The following CNTN4 variants were observed in gnomAD, a reference collection of about 807,000 sequenced individuals.
CNTN4 encodes contactin 4.
In CNTN4, 77 loss-of-function variants were observed where a neutral mutation model predicts 122.5. The ratio of observed to expected loss-of-function variants is 0.63; its 90% CI spans 0.52 to 0.76. CNTN4 has a LOEUF of 0.76. CNTN4 is among the 30% of genes least tolerant of loss of function. The pLI is 0.00. For missense variants in CNTN4, 1,256 were observed against 1,259.1 expected (o/e 1.00, Z 0.04); for synonymous variants, 512 against 447.0 (o/e 1.15, Z -1.83).
chr3:3,037,574 T>C lies in CNTN4; in HGVS notation c.2092+246T>C, dbSNP rs1699722760. 3 of 503,208 alleles carry C rather than the reference T, an allele frequency of 6.0e-6. No homozygotes were observed. In the South Asian group the frequency reaches 6.4e-5, roughly 11 times the overall value. The allele number at this position is 503,208 out of a possible 1,614,324, so 31.2% of individuals were successfully genotyped here. A position where few individuals can be genotyped will look rare whatever the true frequency, so the allele number is the denominator to read the frequency against. ...GCAAGAGACACACGGTGCTTAGTCCTCTCAAAAGCCAGCCCTTTCTTCATT... is the reference window on the plus strand; with the variant it reads ...GCAAGAGACACACGGTGCTTAGTCCCCTCAAAAGCCAGCCCTTTCTTCATT... On this transcript the variant is annotated intron_variant, in intron 18 of 24. Transcript: ENST00000418658.
intron 2 of CNTN4, among the ~76,000 whole-genome samples, chr3:2,213,591 A>C (rs1047191299): frequency 1.3e-5 from 2 of 152,194 alleles, no homozygotes; most frequent in Non-Finnish European, 2.9e-5. Flanking sequence ...AGAGTCTCAA[A>C]TGTAGCATAT....
At chr3:2,572,265 A>C (rs2079455688) in intron 4 of CNTN4, among the ~76,000 whole-genome samples, 1 of 152,164 alleles carries the variant, frequency 6.6e-6, no homozygotes, top group Non-Finnish European at 1.5e-5. Flanking sequence ...GCATGCCTGT[A>C]ATCCCAGCTA....
intron 2 of CNTN4, among the ~76,000 whole-genome samples, chr3:2,178,205 CTGTA>C (rs2036841200): frequency 6.6e-6 from 1 of 152,050 alleles, no homozygotes. Context: ...AGGGCCAGAG[CTGTA>C]ACACATATGT....
At chr3:2,811,054 C>T (rs189479209) in intron 6 of CNTN4, among the ~76,000 whole-genome samples, 2 of 151,606 alleles carry the variant, frequency 1.3e-5, no homozygotes, top group African/African-American at 4.8e-5. Context: ...GAAGTCATTT[C>T]TGTGAATGAG....
chr3:3,026,462 T>A (rs934852971), intron 15 of CNTN4, among the ~76,000 whole-genome samples, 185 bp downstream of exon 15: 7 of 152,180 alleles, frequency 4.6e-5, no homozygotes, highest in African/African-American at 1.7e-4. Flanking sequence ...ATGGCAGGAC[T>A]GCTCCCTAAC....
At chr3:2,817,131 G>A (rs1559536915) in intron 6 of CNTN4, among the ~76,000 whole-genome samples, 1 of 152,206 alleles carries the variant, frequency 6.6e-6, no homozygotes, top group Non-Finnish European at 1.5e-5. Context: ...CACATCTACA[G>A]CTTGCTCTAG....
chr3:3,046,200 C>G (rs1180908089), intron 23 of CNTN4, among the ~76,000 whole-genome samples: 1 of 152,218 alleles, frequency 6.6e-6, no homozygotes, highest in Non-Finnish European at 1.5e-5. Flanking sequence ...TTGGAAAACA[C>G]TCTGCAGGAT....
intron 3 of CNTN4, among the ~76,000 whole-genome samples, chr3:2,467,245 A>G (rs898367254): frequency 1.3e-5 from 2 of 151,402 alleles, no homozygotes; most frequent in Non-Finnish European, 2.9e-5. Context: ...TTGCTAATAC[A>G]TTTACTTTCT....
intron 2 of CNTN4, among the ~76,000 whole-genome samples, chr3:2,136,311 A>C (rs2125307752): frequency 6.6e-6 from 1 of 152,356 alleles, no homozygotes; most frequent in South Asian, 2.1e-4. Flanking sequence ...GAATTCTGTT[A>C]GTAAACTATT....
chr3:2,665,823 T>C (rs953502272), intron 4 of CNTN4, among the ~76,000 whole-genome samples: 2 of 152,178 alleles, frequency 1.3e-5, no homozygotes, highest in Non-Finnish European at 2.9e-5. Context: ...GGTATCCACA[T>C]CCTAAAATTT....
chr3:2,549,550 G>A (rs373772268), intron 3 of CNTN4, among the ~76,000 whole-genome samples: 6 of 152,194 alleles, frequency 3.9e-5, no homozygotes, highest in East Asian at 3.9e-4. Context: ...GGATGAAGCC[G>A]ACTTGATCAT....
intron 3 of CNTN4, among the ~76,000 whole-genome samples, chr3:2,569,162 C>G (rs1288935364): frequency 6.6e-6 from 1 of 151,846 alleles, no homozygotes; most frequent in East Asian, 1.9e-4. Context: ...TCCCTTTTGT[C>G]TTCACAATAT....
rs551551401 is a variant in CNTN4 at position 2,635,582 on chromosome 3, G to A, written c.55+64024G>A. Among the ~76,000 whole-genome samples, 13 of 152,208 alleles carry A rather than the reference G, an allele frequency of 8.5e-5. No individual in the cohort carries two copies. In the South Asian group the frequency reaches 2.7e-3, roughly 32 times the overall value. On this transcript the variant is annotated intron_variant, in intron 4 of 24. Coordinates refer to ENST00000418658, the MANE Select transcript of CNTN4 (RefSeq NM_175607.3). ...TATTTTTGGAAGCTTTCACAAGGGC[G>A]CCTTGAATGTGCCCACAGCAGGACT...
intron 10 of CNTN4, among the ~76,000 whole-genome samples, chr3:2,890,348 A>C (rs1202240586): frequency 6.6e-6 from 1 of 152,206 alleles, no homozygotes; most frequent in African/African-American, 2.4e-5. Context: ...ATTTAAATGA[A>C]TTATGATAAT....
At chr3:2,377,240 T>C (rs1047424985) in intron 3 of CNTN4, among the ~76,000 whole-genome samples, 10 of 152,134 alleles carry the variant, frequency 6.6e-5, no homozygotes, top group Admixed American at 6.5e-4. Context: ...TTGAACATGA[T>C]GGCATTATTA....
chr3:2,149,888 C>G (rs541454559), intron 2 of CNTN4, among the ~76,000 whole-genome samples: 80 of 151,642 alleles, frequency 5.3e-4, no homozygotes, highest in Non-Finnish European at 8.5e-4. Flanking sequence ...CTGACCAATG[C>G]TGGTGAAATA....
intron 15 of CNTN4, among the ~76,000 whole-genome samples, chr3:3,029,242 G>A (rs1469916214): frequency 1.2e-4 from 18 of 152,158 alleles, no homozygotes; most frequent in Admixed American, 1.1e-3. Context: ...TCTTGGACAT[G>A]TCTGTTTCAC....
intron 2 of CNTN4, among the ~76,000 whole-genome samples, chr3:2,136,406 G>A (rs1235684218): frequency 6.6e-6 from 1 of 152,072 alleles, no homozygotes; most frequent in African/African-American, 2.4e-5. Context: ...TGAATTATTA[G>A]GAGAAACTGT....
rs1575089297 is a variant in CNTN4 at position 2,210,795 on chromosome 3, A to C, written c.-145+110156A>C. 2.0e-5 allele frequency among the ~76,000 whole-genome samples: 3 copies of C among 152,122 alleles called. No homozygotes were observed. In the East Asian group the frequency reaches 5.8e-4, roughly 29 times the overall value. ...CTTTTTGAATCTGCCCATTTCCTTC[A>C]ATACATCAAAAGGTCTTTGGAAGCA... On this transcript the variant is annotated intron_variant, in intron 2 of 24. Coordinates refer to ENST00000418658, the MANE Select transcript of CNTN4 (RefSeq NM_175607.3).
Sources: gnomAD v4.1 joint callset for allele counts (sites outside exome capture counted in the v4.1 genomes callset) on GRCh38, gnomAD v4.1.1 for gene constraint, MANE v1.5 for transcripts, NCBI Gene and HGNC (gene_info 2026-07-23, HGNC 2026-07-21) for gene names.